NBEA: variants seen among roughly 807,000 people sequenced by gnomAD.
NBEA encodes neurobeachin, also known as lysosomal-trafficking regulator 2.
A neutral mutation model predicts 343.4 loss-of-function variants in NBEA; 44 were observed. That is an observed-to-expected ratio of 0.13 (90% CI 0.10 to 0.16). The LOEUF is 0.16. Among genes scored for constraint, NBEA ranks in the 10% least tolerant of loss-of-function variants. The probability of loss-of-function intolerance (pLI) is 1.00; values close to 1 mark genes in which losing one functional copy is unlikely to be tolerated. For synonymous variants in NBEA, 1,175 were observed against 1,238.7 expected, an observed-to-expected ratio of 0.95 and a Z score of 1.08; for missense variants, 2,555 against 3,631.3, an observed-to-expected ratio of 0.70 and a Z score of 7.62.
intron 17 of NBEA, among the ~76,000 whole-genome samples, chr13:35,129,308 T>C (rs1411108957): frequency 2.0e-5 from 3 of 152,096 alleles, no homozygotes; most frequent in East Asian, 3.9e-4. Flanking sequence ...TAAAAATATG[T>C]CAAAAATCCT....
At chr13:35,037,087 T>G (rs1189419212) in intron 1 of NBEA, among the ~76,000 whole-genome samples, 2 of 152,114 alleles carry the variant, frequency 1.3e-5, no homozygotes, top group African/African-American at 4.8e-5. Context: ...GTGTCATTGG[T>G]TTTTATTCTT....
intron 48 of NBEA, among the ~76,000 whole-genome samples, chr13:35,608,390 T>C (rs1331138941): frequency 6.6e-6 from 1 of 152,196 alleles, no homozygotes; most frequent in East Asian, 1.9e-4. Flanking sequence ...AAATTTCTGA[T>C]TCTTTTTAGA....
At chr13:35,472,307 A>G (rs1211445872) in intron 40 of NBEA, 93 bp from the exon 41 acceptor site, 1 of 1,414,926 alleles carries the variant, frequency 7.1e-7, no homozygotes, top group African/African-American at 1.4e-5. Flanking sequence ...TTTCTAGTGC[A>G]TCCTTACCAA....
intron 48 of NBEA, among the ~76,000 whole-genome samples, chr13:35,624,578 A>C (rs188079570): frequency 1.3e-5 from 2 of 152,202 alleles, no homozygotes; most frequent in African/African-American, 4.8e-5. Flanking sequence ...AGAAGAATAA[A>C]TGTTCCTGAA....
chr13:34,985,833 ATAT>A (rs1389776243), intron 1 of NBEA, among the ~76,000 whole-genome samples: 2 of 150,732 alleles, frequency 1.3e-5, no homozygotes, highest in Non-Finnish European at 3.0e-5. Context: ...TGAGGTGTTT[ATAT>A]TATTATCTGA....
intron 10 of NBEA, among the ~76,000 whole-genome samples, chr13:35,073,206 T>C (rs2063952063): frequency 6.6e-6 from 1 of 152,170 alleles, no homozygotes; most frequent in Admixed American, 6.6e-5. Context: ...GCAGGGGTGA[T>C]AGAATTTTAT....
At chr13:35,320,002 G>T (rs375346668) in intron 36 of NBEA, among the ~76,000 whole-genome samples, 3 of 151,946 alleles carry the variant, frequency 2.0e-5, no homozygotes, top group South Asian at 4.2e-4. Flanking sequence ...CACGTATGAT[G>T]GGTCTCCTGA....
chr13:35,126,304 C>A (rs1485710522), intron 17 of NBEA, among the ~76,000 whole-genome samples: 1 of 152,122 alleles, frequency 6.6e-6, no homozygotes, highest in East Asian at 1.9e-4. Context: ...CAATGCAGAA[C>A]TGTGAGTCAA....
intron 1 of NBEA, among the ~76,000 whole-genome samples, chr13:34,951,325 A>G (rs1303735707): frequency 6.6e-6 from 1 of 152,218 alleles, no homozygotes; most frequent in East Asian, 1.9e-4. Flanking sequence ...TGTGTGTAAA[A>G]TGGGATTTCA....
At chr13:35,340,279 G>A (rs1481497555) in intron 36 of NBEA, among the ~76,000 whole-genome samples, 1 of 152,002 alleles carries the variant, frequency 6.6e-6, no homozygotes, top group Admixed American at 6.6e-5. Flanking sequence ...CATACAATGG[G>A]ATATTATTCA....
chr13:35,339,372 T>C (rs192647914), intron 36 of NBEA, among the ~76,000 whole-genome samples: 3 of 152,044 alleles, frequency 2.0e-5, no homozygotes, highest in Non-Finnish European at 2.9e-5. Flanking sequence ...ATGAACCATC[T>C]GAAAATAAAA....
intron 34 of NBEA, among the ~76,000 whole-genome samples, chr13:35,265,220 A>G (rs745870853): frequency 1.9e-4 from 29 of 151,886 alleles, no homozygotes; most frequent in Non-Finnish European, 3.7e-4. Flanking sequence ...CATAGATGAA[A>G]GAAATGGCGG....
At chr13:35,104,964 G>A (rs981417621) in intron 11 of NBEA, among the ~76,000 whole-genome samples, 14 of 151,916 alleles carry the variant, frequency 9.2e-5, no homozygotes, top group Admixed American at 6.6e-5. Flanking sequence ...TATATTCTTG[G>A]CAGGGAACAG....
intron 1 of NBEA, among the ~76,000 whole-genome samples, chr13:34,945,515 A>G (rs1274327940): frequency 1.3e-5 from 2 of 152,094 alleles, no homozygotes; most frequent in East Asian, 1.9e-4. Flanking sequence ...CATATAGGAC[A>G]CTCAGTGACT....
At chr13:35,337,178 T>G (rs1481624636) in intron 36 of NBEA, among the ~76,000 whole-genome samples, 2 of 152,120 alleles carry the variant, frequency 1.3e-5, no homozygotes, top group African/African-American at 2.4e-5. Context: ...GTAATTGCAC[T>G]AAATGTAAGT....
intron 1 of NBEA, among the ~76,000 whole-genome samples, chr13:34,953,891 C>G (rs2059416662): frequency 6.6e-6 from 1 of 152,180 alleles, no homozygotes; most frequent in African/African-American, 2.4e-5. Context: ...GTTAGATTCT[C>G]AAAGGAGAGC....
chr13:35,062,184 A>T (rs1388844725), intron 8 of NBEA, among the ~76,000 whole-genome samples: 2 of 151,778 alleles, frequency 1.3e-5, no homozygotes, highest in Non-Finnish European at 3.0e-5. Flanking sequence ...ATCAGCCATG[A>T]AATAAAACAA....
chr13:35,183,879 A>G, intron 29 of NBEA, 97 bp from the exon 30 acceptor site: 3 of 719,502 alleles, frequency 4.2e-6, no homozygotes, highest in South Asian at 4.0e-5. Flanking sequence ...TATTGTTTGC[A>G]TGTTGCAGTA....
At chr13:35,227,729 G>T (rs1376922524) in intron 33 of NBEA, among the ~76,000 whole-genome samples, 1 of 151,816 alleles carries the variant, frequency 6.6e-6, no homozygotes, top group Non-Finnish European at 1.5e-5. Flanking sequence ...TAAGTACCTA[G>T]GAGAATACAA....
Sources: allele counts gnomAD v4.1 joint callset (sites outside exome capture counted in the v4.1 genomes callset), GRCh38; gene constraint gnomAD v4.1.1; transcripts MANE v1.5; gene names NCBI Gene and HGNC (gene_info 2026-07-23, HGNC 2026-07-21).